Variants in GAB2 observed in about 807,000 individuals in gnomAD.
GAB2 encodes the protein GRB2 associated binding protein 2, also known as GRB2-associated-binding protein 2.
Under a neutral mutation model 65.5 loss-of-function variants are expected in GAB2, and 26 were observed. The ratio of observed to expected loss-of-function variants is 0.40; its 90% CI spans 0.29 to 0.55. The LOEUF (loss-of-function observed/expected upper bound fraction) is 0.55. GAB2 is among the 20% of genes least tolerant of loss of function. GAB2 has a pLI of 0.53. For missense variants in GAB2, 884 were observed against 875.8 expected, an observed-to-expected ratio of 1.01 and a Z score of -0.12; for synonymous variants, 321 against 329.6, an observed-to-expected ratio of 0.97 and a Z score of 0.28.
chr11:78,324,125 G>A (rs1855780546), intron 1 of GAB2, among the ~76,000 whole-genome samples: 1 of 151,730 alleles, frequency 6.6e-6, no homozygotes, highest in Non-Finnish European at 1.5e-5. Flanking sequence ...TTTTAAAGAG[G>A]CATGTTCTTA....
At chr11:78,346,133 A>ATAAC (rs1215106861) in intron 1 of GAB2, among the ~76,000 whole-genome samples, 1 of 152,224 alleles carries the variant, frequency 6.6e-6, no homozygotes, top group Non-Finnish European at 1.5e-5. Context: ...AAAATTAAAA[A>ATAAC]TAACTTTAAA....
At chr11:78,302,450 A>T (rs2134628507) in intron 1 of GAB2, among the ~76,000 whole-genome samples, 1 of 152,330 alleles carries the variant, frequency 6.6e-6, no homozygotes, top group South Asian at 2.1e-4. Context: ...GTCACTAATG[A>T]TCAGGCAAAT....
chr11:78,294,900 A>G (rs554812495), intron 1 of GAB2, among the ~76,000 whole-genome samples: 6 of 152,306 alleles, frequency 3.9e-5, no homozygotes, highest in Admixed American at 6.5e-5. Flanking sequence ...GGATCTAATT[A>G]AACTAAAGAG....
intron 1 of GAB2, among the ~76,000 whole-genome samples, chr11:78,283,890 T>A (rs1464837896): frequency 6.6e-6 from 1 of 152,072 alleles, no homozygotes; most frequent in Non-Finnish European, 1.5e-5. Context: ...GATTCTTTTT[T>A]TTTTTTCTAC....
At chr11:78,357,265 T>G (rs989245799) in intron 1 of GAB2, among the ~76,000 whole-genome samples, 37 of 152,144 alleles carry the variant, frequency 2.4e-4, no homozygotes, top group Non-Finnish European at 3.8e-4. Context: ...CAAACACTAG[T>G]GACAATTGTG....
intron 2 of GAB2, among the ~76,000 whole-genome samples, chr11:78,253,824 A>G (rs1393023217): frequency 1.3e-5 from 2 of 152,228 alleles, no homozygotes; most frequent in East Asian, 1.9e-4. Context: ...AGTACACACC[A>G]TAAGAAATCA....
intron 1 of GAB2, among the ~76,000 whole-genome samples, chr11:78,380,568 A>C (rs1271494760): frequency 6.6e-6 from 1 of 152,214 alleles, no homozygotes; most frequent in Non-Finnish European, 1.5e-5. Context: ...AATAAAACAC[A>C]GCATTCAAAG....
intron 1 of GAB2, among the ~76,000 whole-genome samples, chr11:78,346,674 CATATATATATATATATATAT>C (rs71046967): frequency 4.7e-4 from 26 of 54,908 alleles, no homozygotes; most frequent in African/African-American, 1.2e-3. Context: ...ACATCCCCTC[CATATATATATATATATATAT>C]ATATATATAT....
At chr11:78,296,567 A>G (rs1333043617) in intron 1 of GAB2, among the ~76,000 whole-genome samples, 1 of 152,192 alleles carries the variant, frequency 6.6e-6, no homozygotes, top group Non-Finnish European at 1.5e-5. Context: ...CAAAAAGCAC[A>G]AAAATGCAAA....
At chr11:78,315,667 T>A (rs28430386) in intron 1 of GAB2, among the ~76,000 whole-genome samples, 1 of 152,082 alleles carries the variant, frequency 6.6e-6, no homozygotes, top group Non-Finnish European at 1.5e-5. Context: ...AATAGATAAA[T>A]TGGACATCAA....
chr11:78,270,110 C>T (rs550822721), intron 2 of GAB2, among the ~76,000 whole-genome samples: 3 of 152,186 alleles, frequency 2.0e-5, no homozygotes, highest in Admixed American at 6.5e-5. Context: ...GGGTGGATCA[C>T]GAGATCAGGA....
intron 1 of GAB2, among the ~76,000 whole-genome samples, chr11:78,312,553 G>A (rs936488733): frequency 6.6e-6 from 1 of 152,032 alleles, no homozygotes; most frequent in East Asian, 1.9e-4. Context: ...AGCCTCCCGA[G>A]TAGCTGGGAT....
At chr11:78,414,272 G>C (rs1041681018) in intron 1 of GAB2, among the ~76,000 whole-genome samples, 2 of 151,964 alleles carry the variant, frequency 1.3e-5, no homozygotes, top group African/African-American at 4.8e-5. Flanking sequence ...CTGTTTACTG[G>C]ATTTTTATTC....
intron 3 of GAB2, among the ~76,000 whole-genome samples, chr11:78,230,138 T>G (rs1053092963): frequency 3.9e-5 from 6 of 152,262 alleles, no homozygotes; most frequent in African/African-American, 1.4e-4. Context: ...AATAAACGTT[T>G]GTTGTAAGTA....
At chr11:78,411,335 T>C (rs981558325) in intron 1 of GAB2, among the ~76,000 whole-genome samples, 23 of 152,332 alleles carry the variant, frequency 1.5e-4, no homozygotes, top group African/African-American at 5.5e-4. Flanking sequence ...GACTTTCTTT[T>C]TTTTGCATAA....
rs570651975 is a variant in GAB2 at position 78,231,703 on chromosome 11, T to C, written c.621-4652A>G. 4 of 152,342 alleles carry C rather than the reference T, an allele frequency of 2.6e-5. No homozygotes were observed. The East Asian group carries it at 5.8e-4, about 22-fold the overall frequency. The allele number at this position is 152,342 out of a possible 1,614,324, so 9.4% of individuals were successfully genotyped here. ...TTTTTCTAGCCACTTCATTTTGTAC[T>C]TGTTCTTCCACACATTTTCATATAA... On this transcript the variant is annotated intron_variant, in intron 3 of 9. Coordinates refer to ENST00000361507, the MANE Select transcript of GAB2 (RefSeq NM_080491.3).
At chr11:78,328,352 G>C (rs1262557808) in intron 1 of GAB2, among the ~76,000 whole-genome samples, 16 of 152,156 alleles carry the variant, frequency 1.1e-4, no homozygotes, top group African/African-American at 3.9e-4. Context: ...TTTTAAAAAA[G>C]ACATTATGTG....
chr11:78,241,768 G>T (rs1050928070), intron 3 of GAB2, among the ~76,000 whole-genome samples: 6 of 152,132 alleles, frequency 3.9e-5, no homozygotes, highest in Non-Finnish European at 4.4e-5. Context: ...AGGAAAGGGG[G>T]AATACAAATG....
intron 1 of GAB2, among the ~76,000 whole-genome samples, chr11:78,376,715 G>C (rs1004374023): frequency 6.6e-6 from 1 of 152,132 alleles, no homozygotes; most frequent in African/African-American, 2.4e-5. Context: ...CATGATGAGG[G>C]AGAGTTGGAG....
Sources: allele counts gnomAD v4.1 joint callset (sites outside exome capture counted in the v4.1 genomes callset), GRCh38; gene constraint gnomAD v4.1.1; transcripts MANE v1.5; gene names NCBI Gene and HGNC (gene_info 2026-07-23, HGNC 2026-07-21).